Variants in MIDEAS observed in about 807,000 individuals in gnomAD.
The protein encoded by MIDEAS is mitotic deacetylase associated SANT domain protein.
MIDEAS carries 26 observed loss-of-function variants against 102.7 expected under a neutral mutation model. The ratio of observed to expected loss-of-function variants is 0.25; its 90% confidence interval spans 0.19 to 0.35. MIDEAS has a LOEUF of 0.35. Among genes scored for constraint, MIDEAS ranks in the 10% least tolerant of loss-of-function variants. The pLI, the probability that MIDEAS is intolerant of heterozygous loss-of-function variation, is 1.00. For synonymous variants in MIDEAS, 585 were observed against 591.0 expected, an observed-to-expected ratio of 0.99 and a Z score of 0.15; for missense variants, 1,231 against 1,435.6, an observed-to-expected ratio of 0.86 and a Z score of 2.30.
Position 73,719,020 on chromosome 14 carries a change from TG to T in MIDEAS, c.3135-13del. 6.8e-7 allele frequency: 1 copy of T among 1,468,154 alleles called. No individual in the cohort carries two copies. The highest frequency in any genetic ancestry group is 9.0e-7 in the Non-Finnish European group (1 of 1,116,946). The allele number at this position is 1,468,154 out of a possible 1,614,324, so 90.9% of individuals were successfully genotyped here. ...CCTTGTAAAACACCCTGCAGCCGGG[TG>T]GGGGTTGCTCAGAACCGGCCTAGCC... On this transcript the variant is annotated splice_polypyrimidine_tract_variant and intron_variant, in intron 12 of 12. Coordinates refer to ENST00000423556, the MANE Select transcript of MIDEAS (RefSeq NM_001367710.1).
chr14:73,719,222 T>TCCCCCGCCCCGC, intron 12 of MIDEAS, 83 bp downstream of exon 12: 1 of 1,497,118 alleles, frequency 6.7e-7, no homozygotes, highest in Non-Finnish European at 8.9e-7. Flanking sequence ...CTGTACCTCT[T>TCCCCCGCCCCGC]CCCCCTCCCC....
Position 73,719,002 on chromosome 14 carries a change from A to G in MIDEAS, c.3141T>C (p.Phe1047=). ...GCGCACTGCGGCTCTTCACCTTGTA[A>G]AACACCCTGCAGCCGGGTGGGGGTT... ...TFPCKKCGRV[F]YKVKSRSAHM... The change falls in exon 13 of 13, where the codon TTT becomes TTC. Residue 1047 remains phenylalanine (F), a synonymous_variant. Coordinates refer to ENST00000423556, the MANE Select transcript of MIDEAS (RefSeq NM_001367710.1). 1 of 1,483,740 alleles carries G rather than the reference A, an allele frequency of 6.7e-7. No individual in the cohort carries two copies. The highest frequency in any genetic ancestry group is 8.9e-7 in the Non-Finnish European group (1 of 1,124,728). 91.9% of individuals were successfully genotyped at this position (1,483,740 alleles called of 1,614,324 possible).
At chr14:73,769,436 A>G (rs1004321283) in intron 1 of MIDEAS, among the ~76,000 whole-genome samples, 2 of 152,230 alleles carry the variant, frequency 1.3e-5, no homozygotes, top group African/African-American at 4.8e-5. Context: ...GAATATCATT[A>G]AGGCCCCATT....
At position 73,755,211 on chromosome 14, in the gene MIDEAS, G is replaced by C. The variant is rs115166253; in HGVS notation, c.-248+4552C>G. On this transcript the variant is annotated intron_variant, in intron 1 of 12. Transcript: ENST00000423556. ...TGTGTTCCAGGAAGAGCAACAGCAAGGGCGGCTGCCAGGGAAGCCTCAGCC... is the reference window on the plus strand; with the variant it reads ...TGTGTTCCAGGAAGAGCAACAGCAACGGCGGCTGCCAGGGAAGCCTCAGCC... Among the ~76,000 whole-genome samples the C allele has an allele frequency of 6.2e-3, 938 of 152,306 alleles. 5 individuals are homozygous for C. The highest frequency in any genetic ancestry group is 0.021 in the African/African-American group (893 of 41,570).
At chr14:73,774,340 G>A (rs950570907) in intron 1 of MIDEAS, among the ~76,000 whole-genome samples, 15 of 151,826 alleles carry the variant, frequency 9.9e-5, no homozygotes, top group African/African-American at 1.7e-4. Context: ...ATTCTTCCTC[G>A]CAGGAACAGG....
intron 9 of MIDEAS, chr14:73,724,643 G>A (rs1029238412): frequency 6.4e-6 from 1 of 155,622 alleles, no homozygotes; most frequent in African/African-American, 2.4e-5. Context: ...AGAGGAAAGG[G>A]CATGCTCTTT....
Position 73,765,967 on chromosome 14 carries a change from A to G in MIDEAS, c.-248+21135T>C, listed in dbSNP as rs75458048. Among the ~76,000 whole-genome samples, 670 of 152,312 alleles carry G rather than the reference A, an allele frequency of 4.4e-3. 2 individuals carry two copies. Among genetic ancestry groups the G allele is most frequent in the African/African-American group, 0.015 (628 of 41,558 alleles). On this transcript the variant is annotated intron_variant, in intron 1 of 11. Coordinates refer to the MIDEAS transcript ENST00000394071. The stretch of plus-strand genomic sequence containing the variant: ...TCAAAAGGGGCCTTTGGTGGGACCA[A>G]TTCAATAGTGGTGCAATTCATGCTC...
chr14:73,756,293 TGTGCGCGCGCGC>T (rs1157545536), intron 1 of MIDEAS, among the ~76,000 whole-genome samples: 53 of 75,270 alleles, frequency 7.0e-4, no homozygotes, highest in African/African-American at 2.0e-3. Flanking sequence ...TGTGTGTGTG[TGTGCGCGCGCGC>T]GTGCGCGCTG....
intron 1 of MIDEAS, among the ~76,000 whole-genome samples, chr14:73,767,167 G>C (rs1241790762): frequency 6.6e-5 from 10 of 152,164 alleles, no homozygotes; most frequent in Non-Finnish European, 1.5e-5. Flanking sequence ...TTTCTTAGCT[G>C]TATATAAAAT....
At chr14:73,743,125 C>A (rs906409389) in intron 1 of MIDEAS, among the ~76,000 whole-genome samples, 5 of 152,146 alleles carry the variant, frequency 3.3e-5, no homozygotes, top group African/African-American at 1.2e-4. Context: ...TCTTCCTTAT[C>A]CCCAAGATAT....
chr14:73,761,987 G>C (rs2053558841), upstream of MIDEAS, among the ~76,000 whole-genome samples: 1 of 152,186 alleles, frequency 6.6e-6, no homozygotes, highest in Non-Finnish European at 1.5e-5. Flanking sequence ...AAAGGATCAG[G>C]GTAGAGCCTT....
At chr14:73,778,262 G>A (rs1216478740) in intron 1 of MIDEAS, among the ~76,000 whole-genome samples, 1 of 151,782 alleles carries the variant, frequency 6.6e-6, no homozygotes, top group Non-Finnish European at 1.5e-5. Flanking sequence ...GGCTGAGGCA[G>A]GAGAACAGGA....
chr14:73,753,082 G>A (rs939178909), intron 1 of MIDEAS, among the ~76,000 whole-genome samples: 2 of 152,250 alleles, frequency 1.3e-5, no homozygotes, highest in Admixed American at 1.3e-4. Flanking sequence ...GAGGTCCCCA[G>A]GAAGCCCACA....
chr14:73,741,898 G>C (rs768202176), intron 1 of MIDEAS, among the ~76,000 whole-genome samples: 9 of 152,134 alleles, frequency 5.9e-5, no homozygotes, highest in Admixed American at 2.6e-4. Context: ...GAGACTAGGA[G>C]GGCATCCAAG....
chr14:73,737,711 C>G (rs1240531973), intron 2 of MIDEAS, among the ~76,000 whole-genome samples: 1 of 151,942 alleles, frequency 6.6e-6, no homozygotes, highest in Non-Finnish European at 1.5e-5. Flanking sequence ...CTCAAACACC[C>G]ACAGTGGCTC....
In MIDEAS at chr14:73,725,891, G is replaced by A; in HGVS notation, c.2485+142C>T. ...GAGAGCTACCCCAGCTTTGGTGGCA[G>A]TTCCCTCACTCTGACTCTTGGCTTA... On this transcript the variant is annotated intron_variant, in intron 8 of 12. Coordinates refer to ENST00000423556, the MANE Select transcript of MIDEAS (RefSeq NM_001367710.1). The surrounding 1 kb of genome is among the most constrained non-coding windows in gnomAD (Gnocchi z 4.1). The A allele has an allele frequency of 1.4e-6, 1 of 713,240 alleles. No homozygotes were observed. Among genetic ancestry groups the A allele is most frequent in the Non-Finnish European group, 2.4e-6 (1 of 419,988 alleles). 44.2% of individuals were successfully genotyped at this position (713,240 alleles called of 1,614,324 possible).
At position 73,774,021 on chromosome 14, in the gene MIDEAS, C is replaced by CA. The variant is rs11322935; in HGVS notation, c.-248+13080dup. Reference sequence around the variant, plus strand: ...TAGGTGACAGGGTGAGACTGAATCTCAAAAAAAAAAAAAAAAAGAAAAAAG... The same window carrying CA: ...TAGGTGACAGGGTGAGACTGAATCTCAAAAAAAAAAAAAAAAAAGAAAAAAG... On this transcript the variant is annotated intron_variant, in intron 1 of 11. Transcript: ENST00000394071. 9.9e-4 allele frequency among the ~76,000 whole-genome samples: 112 copies of CA among 113,000 alleles called. 1 individual carries two copies. Among genetic ancestry groups the CA allele is most frequent in the Non-Finnish European group, 1.4e-3 (77 of 54,294 alleles). The allele number at this position is 113,000 out of a possible 152,430, so 74.1% of individuals were successfully genotyped here.
In MIDEAS at chr14:73,740,067, G is replaced by C. The variant is rs1230135399; in HGVS notation, c.-59C>G. 4.7e-5 allele frequency: 66 copies of C among 1,418,088 alleles called. No individual in the cohort carries two copies. The highest frequency in any genetic ancestry group is 5.7e-5 in the Non-Finnish European group (62 of 1,084,876). The allele number at this position is 1,418,088 out of a possible 1,614,324, so 87.8% of individuals were successfully genotyped here. A position where few individuals can be genotyped will look rare whatever the true frequency, so the allele number is the denominator to read the frequency against. ...CCTTCAACAGTCGCCCATCCCCTGG[G>C]GAAACGTCCTGCTGGAAGCCGGGCT... On this transcript the variant is annotated 5_prime_UTR_variant, in exon 2 of 13. Transcript: ENST00000423556.
chr14:73,737,676 C>A (rs1239552332), intron 2 of MIDEAS, among the ~76,000 whole-genome samples: 1 of 151,910 alleles, frequency 6.6e-6, no homozygotes, highest in African/African-American at 2.4e-5. Context: ...TGATCTAGGA[C>A]CCTCATTCCC....
Sources: allele counts gnomAD v4.1 joint callset (sites outside exome capture counted in the v4.1 genomes callset), GRCh38; gene constraint gnomAD v4.1.1; non-coding constraint Gnocchi (gnomAD v3.1); transcripts MANE v1.5; gene names NCBI Gene and HGNC (gene_info 2026-07-23, HGNC 2026-07-21).